Variants in CDHR1 observed in about 807,000 individuals in gnomAD.
CDHR1 encodes cadherin related family member 1.
A neutral mutation model predicts 72.1 loss-of-function variants in CDHR1; 61 were observed. The ratio of observed to expected loss-of-function variants is 0.85; its 90% CI spans 0.69 to 1.05. The LOEUF is 1.05. Ranked by LOEUF, CDHR1 falls within the 50% of genes least tolerant of loss-of-function variation. CDHR1 has a pLI of 0.00. For missense variants in CDHR1, 1,186 were observed against 1,115.7 expected (o/e 1.06, Z -0.90); for synonymous variants, 470 against 448.1 (o/e 1.05, Z -0.62).
intron 3 of CDHR1, 70 bp downstream of exon 3, chr10:84,196,720 C>T: frequency 6.4e-7 from 1 of 1,574,038 alleles, no homozygotes; most frequent in South Asian, 1.1e-5. Flanking sequence ...TGAAGTTCCC[C>T]TGGAGCACAT....
At chr10:84,205,795 T>G in intron 9 of CDHR1, 32 bp from the exon 10 acceptor site, 1 of 1,511,504 alleles carries the variant, frequency 6.6e-7, no homozygotes, top group Non-Finnish European at 9.2e-7. Context: ...TGTGGTCCTG[T>G]GCAGAACTTC....
In CDHR1 at chr10:84,214,872, C is replaced by T; in HGVS notation, c.*251C>T. The T allele has an allele frequency of 6.9e-7, 1 of 1,439,854 alleles. No individual in the cohort carries two copies. Among genetic ancestry groups the T allele is most frequent in the Non-Finnish European group, 9.1e-7 (1 of 1,103,760 alleles). 89.2% of individuals were successfully genotyped at this position (1,439,854 alleles called of 1,614,324 possible). A position where few individuals can be genotyped will look rare whatever the true frequency, so the allele number is the denominator to read the frequency against. ...GCAATTGGCAAATACGTCCCCGTTACTCAAATCCTTGGCACTACTACAATG... is the reference window on the plus strand; with the variant it reads ...GCAATTGGCAAATACGTCCCCGTTATTCAAATCCTTGGCACTACTACAATG... On this transcript the variant is annotated 3_prime_UTR_variant, in exon 17 of 17. Transcript: ENST00000623527.
At chr10:84,219,394 C>A (rs2132847904), downstream of CDHR1, 2 of 1,430,632 alleles carry the variant, frequency 1.4e-6, no homozygotes, top group African/African-American at 1.4e-5. Flanking sequence ...CTCTCCCCTG[C>A]ACTGCTTGCT....
At chr10:84,208,038 T>C (rs533249825) in intron 10 of CDHR1, 136 bp from the exon 11 acceptor site, 291 of 747,844 alleles carry the variant, frequency 3.9e-4, no homozygotes, top group Non-Finnish European at 5.6e-4. Flanking sequence ...TTGCCATATA[T>C]TATCAGTTAG....
rs1842450381 is a variant in CDHR1, at chr10:84,217,867, G to A, written c.*3246G>A. The A allele has an allele frequency of 5.1e-6, 5 of 985,466 alleles. No homozygotes were observed. Among genetic ancestry groups the A allele is most frequent in the Non-Finnish European group, 6.0e-6 (5 of 829,980 alleles). The allele number at this position is 985,466 out of a possible 1,614,324, so 61.0% of individuals were successfully genotyped here. ...CTGCATTTGGGCGTTGACATTCCAG[G>A]GGAGTTAGGAACAATGAGAGGTCTC... On this transcript the variant is annotated 3_prime_UTR_variant, in exon 17 of 17. Coordinates refer to ENST00000623527, the MANE Select transcript of CDHR1 (RefSeq NM_033100.4).
chr10:84,208,674 T>A lies in CDHR1; in HGVS notation c.1168-55T>A, dbSNP rs888484354. On this transcript the variant is annotated intron_variant, in intron 11 of 16. Coordinates refer to ENST00000623527, the MANE Select transcript of CDHR1 (RefSeq NM_033100.4). Reference sequence around the variant, plus strand: ...ACGTGAAGACTTCTATATAGTATGATTATGAATTTCTATCATCATTCATCT... The same window carrying A: ...ACGTGAAGACTTCTATATAGTATGAATATGAATTTCTATCATCATTCATCT... 17 of 1,542,466 alleles carry A rather than the reference T, an allele frequency of 1.1e-5. No individual in the cohort carries two copies. The Admixed American group carries it at 2.8e-4, about 26-fold the overall frequency.
chr10:84,199,228 C>T, intron 5 of CDHR1, 107 bp downstream of exon 5: 1 of 842,592 alleles, frequency 1.2e-6, no homozygotes, highest in Non-Finnish European at 2.0e-6. Flanking sequence ...TGGAGAACCT[C>T]TCTGTCACCA....
chr10:84,194,813 T>C lies in CDHR1; in HGVS notation c.53T>C (p.Leu18Ser). The C allele has an allele frequency of 1.3e-6, 2 of 1,532,808 alleles. No homozygotes were observed. Among genetic ancestry groups the C allele is most frequent in the Non-Finnish European group, 1.7e-6 (2 of 1,145,900 alleles). The allele number at this position is 1,532,808 out of a possible 1,614,324, so 95.0% of individuals were successfully genotyped here. Reference sequence around the variant, plus strand: ...GCCCTGGGGCTGCTGCGCCTCTGCTTGGGTGAGTGGCCGCTGGGCCGCGCT... The same window carrying C: ...GCCCTGGGGCTGCTGCGCCTCTGCTCGGGTGAGTGGCCGCTGGGCCGCGCT... ...ALALGLLRLC[L>S]AQANFAPHFF... The change falls in exon 1 of 17, where the codon TTG (leucine) becomes TCG (serine). Residue 18 changes from leucine (L) to serine (S), a missense_variant and splice_region_variant. Coordinates refer to ENST00000623527, the MANE Select transcript of CDHR1 (RefSeq NM_033100.4).
chr10:84,201,863 TG>T lies in CDHR1; in HGVS notation c.586del (p.Ala196ProfsTer71). On this transcript the variant is annotated frameshift_variant, in exon 7 of 17. Transcript: ENST00000623527. LOFTEE classifies it high-confidence loss of function. Reference sequence around the variant, plus strand: ...ACAGCGGTGTGCTGCGCCTCCAGGCTGGGGCCACTCTGGACTACGAGAGGTC... The same window carrying T: ...ACAGCGGTGTGCTGCGCCTCCAGGCTGGGCCACTCTGGACTACGAGAGGTC... ...RHSGVLRLQAGATLDYERSRT... is the reference protein window; with the variant it reads ...RHSGVLRLQAXATLDYERSRT... 6.2e-7 allele frequency: 1 copy of T among 1,609,752 alleles called. No individual in the cohort carries two copies.
chr10:84,196,824 T>G (rs1044697099), intron 3 of CDHR1, among the ~76,000 whole-genome samples, 174 bp downstream of exon 3: 3 of 152,104 alleles, frequency 2.0e-5, no homozygotes, highest in African/African-American at 7.2e-5. Context: ...ATCAGCAGAG[T>G]GGGCTTTACT....
rs1181624137 is a variant in CDHR1 at position 84,203,111 on chromosome 10, G to A, written c.771G>A (p.Glu257=). 2.5e-6 allele frequency: 4 copies of A among 1,614,194 alleles called. No homozygotes were observed. Among genetic ancestry groups the A allele is most frequent in the Non-Finnish European group, 3.4e-6 (4 of 1,180,042 alleles). ...VGTPYYGYVY[E]DTLPGSEVLK... Reference sequence around the variant, plus strand: ...CACCCTACTATGGCTATGTGTACGAGGACACCCTTCCGGTGGGTGGCTGTC... The same window carrying A: ...CACCCTACTATGGCTATGTGTACGAAGACACCCTTCCGGTGGGTGGCTGTC... The change falls in exon 8 of 17, where the codon GAG becomes GAA. Residue 257 remains glutamate, a synonymous_variant. Transcript: ENST00000623527.
rs568333300 is a variant in CDHR1, at chr10:84,213,099, C to T, written c.1791C>T (p.Asp597=). ...LGTPVKIEAI[D]EDAEEPNNLV... is the part of the protein sequence containing the mutation. Reference sequence around the variant, plus strand: ...TCTCTCCCTGCGCACAGGCCATAGACGAGGATGCAGAGGAACCCAACAACC... The same window carrying T: ...TCTCTCCCTGCGCACAGGCCATAGATGAGGATGCAGAGGAACCCAACAACC... The change falls in exon 16 of 17, where the codon GAC becomes GAT. Residue 597 remains aspartate (D), a synonymous_variant. Coordinates refer to ENST00000623527, the MANE Select transcript of CDHR1 (RefSeq NM_033100.4). 4.4e-5 allele frequency: 71 copies of T among 1,614,202 alleles called. No individual in the cohort carries two copies. Among genetic ancestry groups the T allele is most frequent in the East Asian group, 1.6e-4 (7 of 44,886 alleles).
chr10:84,206,276 G>A (rs1842224535), intron 10 of CDHR1, among the ~76,000 whole-genome samples: 2 of 152,300 alleles, frequency 1.3e-5, no homozygotes, highest in South Asian at 2.1e-4. Context: ...GAACAACAAG[G>A]AGTCAGTTGA....
At chr10:84,201,228 A>G (rs1382788405) in intron 6 of CDHR1, among the ~76,000 whole-genome samples, 1 of 152,146 alleles carries the variant, frequency 6.6e-6, no homozygotes, top group Admixed American at 6.5e-5. Flanking sequence ...TCTGAAAACT[A>G]CATATGTGTA....
intron 4 of CDHR1, among the ~76,000 whole-genome samples, chr10:84,198,582 C>A (rs1200013373): frequency 6.6e-6 from 1 of 152,202 alleles, no homozygotes; most frequent in African/African-American, 2.4e-5. Context: ...TGGATTAATT[C>A]TCACTCCTCT....
In CDHR1 at chr10:84,210,893, G is replaced by T; in HGVS notation, c.1321-108G>T. On this transcript the variant is annotated intron_variant, in intron 12 of 16. Coordinates refer to ENST00000623527, the MANE Select transcript of CDHR1 (RefSeq NM_033100.4). ...TGGTTGGCAGCTGCGAGGAAGATCG[G>T]GAGACACGGCAGATGGATGCCACAT... 3 of 1,257,436 alleles carry T rather than the reference G, an allele frequency of 2.4e-6. No individual in the cohort carries two copies. In the South Asian group the frequency reaches 3.6e-5, roughly 15 times the overall value. 77.9% of individuals were successfully genotyped at this position (1,257,436 alleles called of 1,614,324 possible).
chr10:84,208,481 AC>A, intron 11 of CDHR1, 104 bp downstream of exon 11: 1 of 1,274,068 alleles, frequency 7.8e-7, no homozygotes, highest in Non-Finnish European at 1.1e-6. Context: ...TGTAGCCGGG[AC>A]CAGGTGGGCC....
At position 84,217,770 on chromosome 10, in the gene CDHR1, A is replaced by C. The variant is rs1589312715; in HGVS notation, c.*3149A>C. On this transcript the variant is annotated 3_prime_UTR_variant, in exon 17 of 17. Transcript: ENST00000623527. Reference sequence around the variant, plus strand: ...TTTTACTTCATGCTAGAAAAAGAGAAGAGAGTGGATCCAGAGGGGAGTGGA... The same window carrying C: ...TTTTACTTCATGCTAGAAAAAGAGACGAGAGTGGATCCAGAGGGGAGTGGA... 1.0e-6 allele frequency: 1 copy of C among 985,432 alleles called. No homozygotes were observed. Among genetic ancestry groups the C allele is most frequent in the East Asian group, 1.1e-4 (1 of 8,804 alleles). 61.0% of individuals were successfully genotyped at this position (985,432 alleles called of 1,614,324 possible).
At chr10:84,200,787 A>G (rs1032269709) in intron 6 of CDHR1, 100 bp downstream of exon 6, 20 of 794,834 alleles carry the variant, frequency 2.5e-5, no homozygotes, top group Non-Finnish European at 3.7e-5. Context: ...CGGTGCCTCT[A>G]TGATTCCCGA....
Sources: gnomAD v4.1 joint callset for allele counts (sites outside exome capture counted in the v4.1 genomes callset) on GRCh38, gnomAD v4.1.1 for gene constraint, MANE v1.5 for transcripts, NCBI Gene and HGNC (gene_info 2026-07-23, HGNC 2026-07-21) for gene names.